RBPJ: variants seen among roughly 807,000 people sequenced by gnomAD.
The protein encoded by RBPJ is recombination signal binding protein for immunoglobulin kappa J region.
Under a neutral mutation model 67.8 loss-of-function variants are expected in RBPJ, and 9 were observed. That is an observed-to-expected ratio of 0.13 (90% CI 0.08 to 0.23). RBPJ has a LOEUF of 0.23. Ranked by LOEUF, RBPJ falls within the 10% of genes least tolerant of loss-of-function variation. The pLI is 1.00. For synonymous variants in RBPJ, 198 were observed against 203.3 expected (o/e 0.97, Z 0.22); for missense variants, 305 against 595.6 (o/e 0.51, Z 5.08).
chr4:26,247,496 C>T lies in RBPJ; in HGVS notation c.-167+83882C>T, dbSNP rs549506561. ...CACGATCTTGGCTCACTACAACCTCCGCTTCCTGGGTTCAAGTGATTCTCC... is the reference window on the plus strand; with the variant it reads ...CACGATCTTGGCTCACTACAACCTCTGCTTCCTGGGTTCAAGTGATTCTCC... On this transcript the variant is annotated intron_variant, in intron 1 of 4. Coordinates refer to the RBPJ transcript ENST00000512351. 5.3e-5 allele frequency among the ~76,000 whole-genome samples: 8 copies of T among 152,202 alleles called. No homozygotes were observed. In the South Asian group the frequency reaches 8.3e-4, roughly 16 times the overall value.
intron 1 of RBPJ, among the ~76,000 whole-genome samples, chr4:26,186,432 G>A (rs925689644): frequency 2.0e-5 from 3 of 152,168 alleles, no homozygotes; most frequent in African/African-American, 7.2e-5. Context: ...GTATTTGGTA[G>A]ATACACTTTG....
the RBPJ span, among the ~76,000 whole-genome samples, chr4:26,130,272 C>CGATA: frequency 6.6e-6 from 1 of 152,212 alleles, no homozygotes; most frequent in Non-Finnish European, 1.5e-5. Flanking sequence ...TAGTTCACCT[C>CGATA]GATAGATACA....
intron 1 of RBPJ, among the ~76,000 whole-genome samples, chr4:26,290,280 A>C (rs1307471015): frequency 1.4e-5 from 2 of 146,394 alleles, no homozygotes; most frequent in African/African-American, 5.0e-5. Context: ...TTGAGGCTGC[A>C]GTGAGCTATG....
intron 2 of RBPJ, 107 bp downstream of exon 2, chr4:26,386,498 A>C: frequency 2.7e-6 from 2 of 739,466 alleles, no homozygotes; most frequent in Non-Finnish European, 4.4e-6. Flanking sequence ...TTCAAATATT[A>C]CTGTCTAGAG....
At chr4:26,241,082 A>T (rs1026430309) in intron 1 of RBPJ, among the ~76,000 whole-genome samples, 28 of 152,256 alleles carry the variant, frequency 1.8e-4, no homozygotes, top group African/African-American at 6.7e-4. Context: ...CTGTGGTCCC[A>T]GCTACCAGGG....
intron 1 of RBPJ, among the ~76,000 whole-genome samples, chr4:26,175,654 G>T (rs1223358468): frequency 1.3e-5 from 2 of 152,192 alleles, no homozygotes; most frequent in Non-Finnish European, 2.9e-5. Flanking sequence ...CCCCATTAGG[G>T]CTCCTTCTGG....
intron 1 of RBPJ, among the ~76,000 whole-genome samples, chr4:26,374,601 G>A (rs1201002075): frequency 1.3e-5 from 2 of 151,550 alleles, no homozygotes; most frequent in African/African-American, 4.8e-5. Flanking sequence ...TCAGCCTCCC[G>A]AGTAGCTGGG....
chr4:26,165,943 A>ATC (rs1186219989), intron 1 of RBPJ, among the ~76,000 whole-genome samples: 2 of 143,056 alleles, frequency 1.4e-5, no homozygotes, highest in African/African-American at 5.3e-5. Flanking sequence ...TTCAATTCCC[A>ATC]TCTGTGAGTG....
chr4:26,368,282 A>G (rs563888494), intron 1 of RBPJ: 1 of 152,292 alleles, frequency 6.6e-6, no homozygotes, highest in African/African-American at 2.4e-5. Flanking sequence ...GCTTTGTTTC[A>G]CCAGATTCCC....
intron 1 of RBPJ, among the ~76,000 whole-genome samples, chr4:26,297,877 A>G (rs770016708): frequency 6.6e-6 from 1 of 152,006 alleles, no homozygotes; most frequent in Non-Finnish European, 1.5e-5. Flanking sequence ...TTAGTAGGAA[A>G]AAGTCCCAGG....
intron 1 of RBPJ, chr4:26,362,670 A>C (rs757289767): frequency 6.7e-7 from 1 of 1,492,012 alleles, no homozygotes. Flanking sequence ...GGTCATGGAT[A>C]GAATGAACAC....
chr4:26,255,363 C>T (rs1467211470), intron 1 of RBPJ, among the ~76,000 whole-genome samples: 15 of 109,126 alleles, frequency 1.4e-4, no homozygotes, highest in Non-Finnish European at 2.5e-4. Context: ...GAGATCGCGC[C>T]ACCGCACTCC....
chr4:26,413,730 A>G (rs140857641), intron 3 of RBPJ, among the ~76,000 whole-genome samples: 13 of 152,324 alleles, frequency 8.5e-5, no homozygotes, highest in African/African-American at 2.9e-4. Flanking sequence ...AGAAGTAGAT[A>G]CTACCACCTT....
the RBPJ span, among the ~76,000 whole-genome samples, chr4:26,150,673 A>G: frequency 1.2e-4 from 18 of 152,330 alleles, no homozygotes; most frequent in South Asian, 2.3e-3. Flanking sequence ...TGGCTAGTAC[A>G]GGGCAAACAC....
chr4:26,409,772 A>G (rs1366138366), intron 3 of RBPJ, among the ~76,000 whole-genome samples: 1 of 152,150 alleles, frequency 6.6e-6, no homozygotes, highest in Non-Finnish European at 1.5e-5. Context: ...TGCTGGGATT[A>G]CGGGCGTGAG....
At chr4:26,403,322 A>G (rs28583172) in intron 2 of RBPJ, among the ~76,000 whole-genome samples, 83 of 152,142 alleles carry the variant, frequency 5.5e-4, no homozygotes, top group African/African-American at 2.0e-3. Context: ...AGGTTTAATC[A>G]TAATGAATAA....
At chr4:26,396,262 C>A (rs1172791373) in intron 2 of RBPJ, among the ~76,000 whole-genome samples, 1 of 152,200 alleles carries the variant, frequency 6.6e-6, no homozygotes, top group East Asian at 1.9e-4. Context: ...CTAATTAGTC[C>A]ATAAATGGGT....
intron 1 of RBPJ, among the ~76,000 whole-genome samples, chr4:26,237,703 C>T (rs559722395): frequency 2.4e-4 from 36 of 152,150 alleles, no homozygotes; most frequent in Non-Finnish European, 4.7e-4. Context: ...TTTTTTGACC[C>T]TCGGTCTCCC....
intron 1 of RBPJ, among the ~76,000 whole-genome samples, chr4:26,169,809 CTTGCAG>C (rs1254730774): frequency 6.6e-6 from 1 of 152,224 alleles, no homozygotes; most frequent in African/African-American, 2.4e-5. Flanking sequence ...TCGCTGCCGC[CTTGCAG>C]TTTGATCTCA....
Sources: allele counts gnomAD v4.1 joint callset (sites outside exome capture counted in the v4.1 genomes callset), GRCh38; gene constraint gnomAD v4.1.1; transcripts MANE v1.5; gene names NCBI Gene and HGNC (gene_info 2026-07-23, HGNC 2026-07-21).